The following ANKRD31 variants were observed in gnomAD, a reference collection of about 807,000 sequenced individuals.
ANKRD31 encodes the protein ankyrin repeat domain 31.
Under a neutral mutation model 186.0 loss-of-function variants are expected in ANKRD31, and 147 were observed. That is an observed-to-expected ratio of 0.79 (90% CI 0.69 to 0.91). The LOEUF (loss-of-function observed/expected upper bound fraction) is 0.91. Ranked by LOEUF, ANKRD31 falls within the 40% of genes least tolerant of loss-of-function variation. ANKRD31 has a pLI of 0.00. For missense variants in ANKRD31, 1,986 were observed against 2,148.8 expected, an observed-to-expected ratio of 0.92 and a Z score of 1.50; for synonymous variants, 673 against 736.4, an observed-to-expected ratio of 0.91 and a Z score of 1.39.
At chr5:75,228,957 T>C (rs1270397360) in intron 2 of ANKRD31, among the ~76,000 whole-genome samples, 1 of 152,216 alleles carries the variant, frequency 6.6e-6, no homozygotes, top group Non-Finnish European at 1.5e-5. Context: ...TGATGTACAG[T>C]GAAAAGACTG....
chr5:75,128,803 C>T (rs971708457), intron 17 of ANKRD31, among the ~76,000 whole-genome samples: 2 of 151,998 alleles, frequency 1.3e-5, no homozygotes, highest in Non-Finnish European at 1.5e-5. Context: ...CATGAGCCAA[C>T]ATGCCTGGCC....
rs377050282 is a variant in ANKRD31, at chr5:75,145,110, A to G, written c.3424+877T>C. Reference sequence around the variant, plus strand: ...ACAACAGATGCTAGAGAGGATGTGGAGAAATAGGAATGCTTTTACACTGTT... The same window carrying G: ...ACAACAGATGCTAGAGAGGATGTGGGGAAATAGGAATGCTTTTACACTGTT... On this transcript the variant is annotated intron_variant, in intron 14 of 25. Coordinates refer to ENST00000506364, the MANE Select transcript of ANKRD31 (RefSeq NM_001372053.1). Among the ~76,000 whole-genome samples the G allele has an allele frequency of 2.4e-3, 366 of 152,314 alleles. 1 individual carries two copies. Among genetic ancestry groups the G allele is most frequent in the Middle Eastern group, 0.014 (4 of 294 alleles).
rs1220001022 is a variant in ANKRD31 at position 75,210,829 on chromosome 5, G to A, written c.325C>T (p.Gln109Ter). ...GAAGCCAAAAATTAGTATACTTACT[G>A]TAACAGAGCTTGATTTCGTTCTGTT... ...DETERNQALL[Q>*]TRKNCSMFIG... The change falls in exon 4 of 26, where the codon CAG becomes TAG. Residue 109 changes from glutamine to a stop codon, truncating the protein, a stop_gained and splice_region_variant. Coordinates refer to ENST00000506364, the MANE Select transcript of ANKRD31 (RefSeq NM_001372053.1). LOFTEE classifies it high-confidence loss of function. 6 of 1,509,572 alleles carry A rather than the reference G, an allele frequency of 4.0e-6. No homozygotes were observed. The South Asian group carries it at 6.5e-5, about 16-fold the overall frequency. The allele number at this position is 1,509,572 out of a possible 1,614,324, so 93.5% of individuals were successfully genotyped here. A position where few individuals can be genotyped will look rare whatever the true frequency, so the allele number is the denominator to read the frequency against.
chr5:75,169,426 G>T (rs2150188987), intron 10 of ANKRD31, among the ~76,000 whole-genome samples: 1 of 152,266 alleles, frequency 6.6e-6, no homozygotes, highest in South Asian at 2.1e-4. Flanking sequence ...AACTCAAAGT[G>T]AATGCTGGTT....
rs529312704 is a variant in ANKRD31, at chr5:75,131,395, C to T, written c.3876+6461G>A. ...CATGGGTCAGAGGGTCCCACGCCCA[C>T]AGAGCCTCACTCACTGCTAGCACAG... On this transcript the variant is annotated intron_variant, in intron 17 of 25. Transcript: ENST00000506364. Among the ~76,000 whole-genome samples the T allele has an allele frequency of 1.1e-4, 17 of 152,322 alleles. No homozygotes were observed. The South Asian group carries it at 3.5e-3, about 32-fold the overall frequency.
chr5:75,189,267 T>C (rs975340709), intron 9 of ANKRD31, among the ~76,000 whole-genome samples: 1 of 152,322 alleles, frequency 6.6e-6, no homozygotes, highest in African/African-American at 2.4e-5. Context: ...GTATATCAAG[T>C]ATCAATTCTC....
intron 11 of ANKRD31, among the ~76,000 whole-genome samples, chr5:75,164,477 A>C (rs1024420595): frequency 2.0e-5 from 3 of 152,234 alleles, no homozygotes; most frequent in Admixed American, 6.5e-5. Context: ...TTTGGTGAGG[A>C]GAGAGCTTTT....
chr5:75,206,515 T>G, intron 4 of ANKRD31, 28 bp from the exon 5 acceptor site: 1 of 1,293,522 alleles, frequency 7.7e-7, no homozygotes, highest in Non-Finnish European at 1.0e-6. Flanking sequence ...AAAAATAAAT[T>G]TTAAAATGGA....
chr5:75,098,358 G>A (rs1189708992), intron 22 of ANKRD31, among the ~76,000 whole-genome samples: 2 of 152,118 alleles, frequency 1.3e-5, no homozygotes, highest in Non-Finnish European at 2.9e-5. Flanking sequence ...TTGAACTCAG[G>A]TAGCGTGATG....
chr5:75,134,994 C>G (rs1338643872), intron 17 of ANKRD31, among the ~76,000 whole-genome samples: 1 of 152,102 alleles, frequency 6.6e-6, no homozygotes, highest in East Asian at 1.9e-4. Flanking sequence ...TCTCAATAAA[C>G]TAGGTATTGA....
chr5:75,181,478 A>G (rs1580503195), intron 10 of ANKRD31, among the ~76,000 whole-genome samples: 1 of 152,152 alleles, frequency 6.6e-6, no homozygotes, highest in African/African-American at 2.4e-5. Context: ...AAGACTTGGA[A>G]CCAACCTAAA....
chr5:75,107,437 A>T, intron 21 of ANKRD31, 84 bp downstream of exon 21: 1 of 945,526 alleles, frequency 1.1e-6, no homozygotes, highest in Non-Finnish European at 1.5e-6. Flanking sequence ...TGTATTCTTA[A>T]GAAATTCTAG....
chr5:75,230,782 A>G (rs1468112372), intron 1 of ANKRD31, 147 bp from the exon 2 acceptor site: 5 of 546,672 alleles, frequency 9.1e-6, no homozygotes, highest in Non-Finnish European at 1.6e-5. Context: ...TGTTATTCAG[A>G]AATGTACATT....
intron 12 of ANKRD31, 140 bp from the exon 13 acceptor site, chr5:75,148,768 C>T (rs868813152): frequency 1.8e-6 from 1 of 544,446 alleles, no homozygotes; most frequent in African/African-American, 1.9e-5. Flanking sequence ...AAAATTGGCA[C>T]ATACAACATT....
At chr5:75,087,704 T>C (rs1182340102) in intron 23 of ANKRD31, among the ~76,000 whole-genome samples, 1 of 152,138 alleles carries the variant, frequency 6.6e-6, no homozygotes, top group African/African-American at 2.4e-5. Flanking sequence ...AGGTTTTCTT[T>C]TAAATTCATT....
intron 11 of ANKRD31, among the ~76,000 whole-genome samples, chr5:75,157,472 T>C (rs950094098): frequency 6.6e-6 from 1 of 152,208 alleles, no homozygotes; most frequent in Non-Finnish European, 1.5e-5. Flanking sequence ...CAGAACTTGA[T>C]GATTTGGGAA....
At chr5:75,139,048 A>G in intron 15 of ANKRD31, 65 bp from the exon 16 acceptor site, 1 of 1,499,356 alleles carries the variant, frequency 6.7e-7, no homozygotes, top group South Asian at 1.3e-5. Flanking sequence ...AGGATCTTAG[A>G]AAATACATAA....
At chr5:75,166,135 T>C (rs1268400460) in intron 11 of ANKRD31, among the ~76,000 whole-genome samples, 1 of 151,910 alleles carries the variant, frequency 6.6e-6, no homozygotes, top group East Asian at 1.9e-4. Flanking sequence ...CAGTCCAGAG[T>C]TCTACCACAT....
intron 17 of ANKRD31, 122 bp downstream of exon 17, chr5:75,137,734 C>G: frequency 2.4e-6 from 2 of 844,494 alleles, no homozygotes; most frequent in Non-Finnish European, 1.6e-6. Context: ...TAATTTGAAG[C>G]AGGTTTTAAA....
Sources: gnomAD v4.1 joint callset for allele counts (sites outside exome capture counted in the v4.1 genomes callset) on GRCh38, gnomAD v4.1.1 for gene constraint, MANE v1.5 for transcripts, NCBI Gene and HGNC (gene_info 2026-07-23, HGNC 2026-07-21) for gene names.